The following KIAA1549L variants were observed in gnomAD, a reference collection of about 807,000 sequenced individuals.
KIAA1549L encodes KIAA1549 like, also known as UPF0606 protein KIAA1549L.
In KIAA1549L, 88 loss-of-function variants were observed where a neutral mutation model predicts 160.7. That is an observed-to-expected ratio of 0.55 (90% confidence interval 0.46 to 0.65). KIAA1549L has a LOEUF of 0.65. Among genes scored for constraint, KIAA1549L ranks in the 30% least tolerant of loss-of-function variants. The probability of loss-of-function intolerance (pLI) is 0.00; values close to 1 mark genes in which losing one functional copy is unlikely to be tolerated. For missense variants in KIAA1549L, 2,258 were observed against 2,437.5 expected, an observed-to-expected ratio of 0.93 and a Z score of 1.55; for synonymous variants, 950 against 976.7, an observed-to-expected ratio of 0.97 and a Z score of 0.51.
At chr11:33,463,344 A>G (rs1271373903) in intron 1 of KIAA1549L, among the ~76,000 whole-genome samples, 4 of 151,944 alleles carry the variant, frequency 2.6e-5, no homozygotes, top group Admixed American at 2.6e-4. Flanking sequence ...TTTTTATTTT[A>G]ATTTTATTTA....
intron 1 of KIAA1549L, among the ~76,000 whole-genome samples, chr11:33,432,838 A>C (rs776728442): frequency 6.6e-6 from 1 of 152,242 alleles, no homozygotes; most frequent in Non-Finnish European, 1.5e-5. Flanking sequence ...CGGGGAAAGG[A>C]TCTCCTGTTC....
At chr11:33,378,368 C>G (rs1237126789) in intron 1 of KIAA1549L, among the ~76,000 whole-genome samples, 2 of 152,130 alleles carry the variant, frequency 1.3e-5, no homozygotes, top group African/African-American at 4.8e-5. Flanking sequence ...TCTGATTTCC[C>G]TTCTGACCTT....
intron 17 of KIAA1549L, among the ~76,000 whole-genome samples, chr11:33,650,290 G>C (rs1490835631): frequency 2.0e-5 from 3 of 152,174 alleles, no homozygotes; most frequent in Non-Finnish European, 2.9e-5. Flanking sequence ...CTTATAATGA[G>C]TAAAATCCAC....
chr11:33,484,965 C>A (rs1196281952), intron 1 of KIAA1549L, among the ~76,000 whole-genome samples: 1 of 152,184 alleles, frequency 6.6e-6, no homozygotes, highest in African/African-American at 2.4e-5. Context: ...ATTTAATCCC[C>A]AAATTCTTGG....
chr11:33,415,872 T>A (rs1850877610), intron 1 of KIAA1549L, among the ~76,000 whole-genome samples: 1 of 151,548 alleles, frequency 6.6e-6, no homozygotes, highest in Non-Finnish European at 1.5e-5. Flanking sequence ...TGGTGTGATC[T>A]CGGCTCACTG....
intron 13 of KIAA1549L, among the ~76,000 whole-genome samples, chr11:33,600,345 G>T (rs757919598): frequency 6.6e-6 from 1 of 152,166 alleles, no homozygotes; most frequent in Non-Finnish European, 1.5e-5. Context: ...TTGGGAAGGG[G>T]ACTTGAGTTC....
At chr11:33,432,697 C>T (rs1397772585) in intron 1 of KIAA1549L, among the ~76,000 whole-genome samples, 1 of 152,170 alleles carries the variant, frequency 6.6e-6, no homozygotes, top group Non-Finnish European at 1.5e-5. Context: ...TACAAGTCTA[C>T]AGTAACCAAA....
chr11:33,478,840 C>T (rs910522772), intron 1 of KIAA1549L, among the ~76,000 whole-genome samples: 1 of 152,136 alleles, frequency 6.6e-6, no homozygotes, highest in African/African-American at 2.4e-5. Context: ...ACCATGTTGG[C>T]CAGGATGGTC....
chr11:33,577,149 T>C (rs1268524200), intron 10 of KIAA1549L, among the ~76,000 whole-genome samples: 1 of 152,096 alleles, frequency 6.6e-6, no homozygotes, highest in South Asian at 2.1e-4. Flanking sequence ...GGGAGAGAAC[T>C]GCGTGTCGAT....
intron 19 of KIAA1549L, among the ~76,000 whole-genome samples, chr11:33,660,617 C>T (rs1289616116): frequency 6.6e-6 from 1 of 152,184 alleles, no homozygotes; most frequent in Non-Finnish European, 1.5e-5. Context: ...CCACCTGCCT[C>T]TGTTGCTACA....
At position 33,543,644 on chromosome 11, in the gene KIAA1549L, A is replaced by G; in HGVS notation, c.2081A>G (p.Asp694Gly). ...GACATGAAAAAGCCAGCAACCACAG[A>G]TGTTTTCTGGAGTTCTCTTTCAGCA... ...IGDMKKPATT[D>G]VFWSSLSAET... is the part of the protein sequence containing the mutation. Residue 694 changes from aspartate to glycine, a missense_variant, in exon 2 of 21, where the codon GAT becomes GGT. Around this residue, in one of 6 missense-constraint regions of KIAA1549L, gnomAD observed 287 missense variants for 292.3 expected, o/e 0.98. Transcript: ENST00000658780. 1.2e-6 allele frequency: 2 copies of G among 1,613,952 alleles called. No individual in the cohort carries two copies. Among genetic ancestry groups the G allele is most frequent in the Non-Finnish European group, 1.7e-6 (2 of 1,179,844 alleles).
At chr11:33,532,722 G>C (rs546940381) in intron 1 of KIAA1549L, among the ~76,000 whole-genome samples, 1 of 152,134 alleles carries the variant, frequency 6.6e-6, no homozygotes, top group Non-Finnish European at 1.5e-5. Context: ...GGTTTCCTTC[G>C]TTTATTTTGT....
At chr11:33,491,257 T>A (rs1348862690) in intron 1 of KIAA1549L, among the ~76,000 whole-genome samples, 2 of 152,178 alleles carry the variant, frequency 1.3e-5, no homozygotes. Context: ...ATGTGTAGGG[T>A]GGTATGTGAA....
chr11:33,647,322 G>A lies in KIAA1549L; in HGVS notation c.5760+1286G>A, dbSNP rs76385747. The stretch of plus-strand genomic sequence containing the variant: ...GCCCAGGAGGCAGAAGTTGCAGTGA[G>A]CCAAGACTGTGAGACTGTACTTCAG... On this transcript the variant is annotated intron_variant, in intron 17 of 20. Transcript: ENST00000658780. Among the ~76,000 whole-genome samples, 975 of 146,260 alleles carry A rather than the reference G, an allele frequency of 6.7e-3. 4 individuals are homozygous for A. The highest frequency in any genetic ancestry group is 9.7e-3 in the Non-Finnish European group (654 of 67,666).
At chr11:33,460,033 A>C (rs999379693) in intron 1 of KIAA1549L, among the ~76,000 whole-genome samples, 1 of 151,306 alleles carries the variant, frequency 6.6e-6, no homozygotes, top group Non-Finnish European at 1.5e-5. Flanking sequence ...GTTCCTTAGC[A>C]ACCCACAGCA....
At chr11:33,634,185 A>G (rs1357180302) in intron 16 of KIAA1549L, among the ~76,000 whole-genome samples, 1 of 151,992 alleles carries the variant, frequency 6.6e-6, no homozygotes, top group African/African-American at 2.4e-5. Context: ...TGGGATTACA[A>G]GCATGCACCA....
At chr11:33,444,956 C>T (rs1375140984) in intron 1 of KIAA1549L, among the ~76,000 whole-genome samples, 1 of 152,168 alleles carries the variant, frequency 6.6e-6, no homozygotes, top group Non-Finnish European at 1.5e-5. Flanking sequence ...GCATGTTCCT[C>T]ACACACTACC....
chr11:33,397,840 A>C (rs1384251671), intron 1 of KIAA1549L, among the ~76,000 whole-genome samples: 1 of 148,026 alleles, frequency 6.8e-6, no homozygotes, highest in East Asian at 2.0e-4. Context: ...TGAAAGGAAA[A>C]ATCATATAGT....
At chr11:33,644,037 T>A (rs1851655598) in intron 16 of KIAA1549L, among the ~76,000 whole-genome samples, 1 of 152,194 alleles carries the variant, frequency 6.6e-6, no homozygotes, top group Admixed American at 6.5e-5. Context: ...ATGAAATGTC[T>A]TTGAGTTCTT....
Sources: allele counts gnomAD v4.1 joint callset (sites outside exome capture counted in the v4.1 genomes callset), GRCh38; gene constraint gnomAD v4.1.1; regional missense constraint gnomAD v4.1.1; transcripts MANE v1.5; gene names NCBI Gene and HGNC (gene_info 2026-07-23, HGNC 2026-07-21).